Variants in VPS13B observed in about 807,000 individuals in gnomAD.
VPS13B encodes intermembrane lipid transfer protein VPS13B.
A neutral mutation model predicts 426.4 loss-of-function variants in VPS13B; 285 were observed. The ratio of observed to expected loss-of-function variants is 0.67; its 90% CI spans 0.61 to 0.74. The LOEUF is 0.74. VPS13B is among the 30% of genes least tolerant of loss of function. VPS13B has a pLI of 0.00. For missense variants in VPS13B, 4,537 were observed against 4,782.6 expected, an observed-to-expected ratio of 0.95 and a Z score of 1.51; for synonymous variants, 1,676 against 1,676.4, an observed-to-expected ratio of 1.00 and a Z score of 0.01.
intron 2 of VPS13B, among the ~76,000 whole-genome samples, chr8:99,014,265 G>A (rs1379905222): frequency 6.6e-6 from 1 of 151,216 alleles, no homozygotes; most frequent in African/African-American, 2.4e-5. Context: ...TTACAGGCGC[G>A]CACCACCACG....
At chr8:99,743,846 C>A (rs994525969) in intron 39 of VPS13B, among the ~76,000 whole-genome samples, 7 of 152,252 alleles carry the variant, frequency 4.6e-5, no homozygotes, top group Middle Eastern at 3.4e-3. Flanking sequence ...TAAAGACTTA[C>A]ATGTTAGACC....
intron 36 of VPS13B, among the ~76,000 whole-genome samples, chr8:99,701,238 A>G (rs189420734): frequency 4.1e-4 from 62 of 152,326 alleles, no homozygotes; most frequent in Non-Finnish European, 7.8e-4. Context: ...AGACTATGAA[A>G]TACTGGAGAC....
At chr8:99,469,616 T>G (rs1819296039) in intron 24 of VPS13B, among the ~76,000 whole-genome samples, 1 of 152,196 alleles carries the variant, frequency 6.6e-6, no homozygotes, top group Non-Finnish European at 1.5e-5. Context: ...GAGATTACTC[T>G]TTGAGTGCTG....
intron 35 of VPS13B, among the ~76,000 whole-genome samples, chr8:99,694,929 C>CA (rs1319990384): frequency 6.6e-6 from 1 of 151,666 alleles, no homozygotes; most frequent in Non-Finnish European, 1.5e-5. Flanking sequence ...CTTATGCAGC[C>CA]AAAAAACACA....
chr8:99,332,628 AGGC>A (rs1337233086), intron 19 of VPS13B, among the ~76,000 whole-genome samples: 1 of 151,666 alleles, frequency 6.6e-6, no homozygotes, highest in Non-Finnish European at 1.5e-5. Flanking sequence ...GTACAGTCAT[AGGC>A]TATTCTTCAG....
At chr8:99,065,812 A>G (rs1201021870) in intron 3 of VPS13B, among the ~76,000 whole-genome samples, 4 of 152,214 alleles carry the variant, frequency 2.6e-5, no homozygotes, top group Non-Finnish European at 1.5e-5. Context: ...GCAAAGTCTC[A>G]GGATACAAAA....
At chr8:99,373,001 C>A (rs952061834) in intron 19 of VPS13B, among the ~76,000 whole-genome samples, 2 of 152,146 alleles carry the variant, frequency 1.3e-5, no homozygotes, top group African/African-American at 4.8e-5. Flanking sequence ...AGAATGAGTT[C>A]ATGTCCTTTG....
At chr8:99,096,987 A>G (rs1220031240) in intron 4 of VPS13B, among the ~76,000 whole-genome samples, 3 of 152,098 alleles carry the variant, frequency 2.0e-5, no homozygotes, top group East Asian at 1.9e-4. Flanking sequence ...CAGCCTTTTC[A>G]AGAGGAAAGA....
In VPS13B at chr8:99,556,496, G is replaced by A. The variant is rs1169963451; in HGVS notation, c.4792G>A (p.Glu1598Lys). The change falls in exon 31 of 62, where the codon GAA becomes AAA. Residue 1598 changes from glutamate to lysine, a missense_variant. By Grantham distance (56) the Glu-to-Lys change is moderately conservative. This residue lies in a region of VPS13B where 4,311 missense variants were observed against 4,474.3 expected (regional missense o/e 0.96). Transcript: ENST00000357162. The stretch of plus-strand genomic sequence containing the variant: ...TCTTCGAGATCCTGGATCAGAAATC[G>A]AAGACAGACAATACCAAATAGATCT... ...GILRDPGSEI[E>K]DRQYQIDLQS... The A allele has an allele frequency of 4.3e-6, 7 of 1,612,892 alleles. No homozygotes were observed. Among genetic ancestry groups the A allele is most frequent in the South Asian group, 1.1e-5 (1 of 91,056 alleles).
chr8:99,814,692 G>A (rs1482710777), intron 44 of VPS13B, among the ~76,000 whole-genome samples: 1 of 152,174 alleles, frequency 6.6e-6, no homozygotes, highest in Non-Finnish European at 1.5e-5. Context: ...TACAGCCACT[G>A]GGGGCCAAGG....
chr8:99,640,053 A>AGAAGAAG (rs1364476294), intron 33 of VPS13B, among the ~76,000 whole-genome samples: 27 of 48,770 alleles, frequency 5.5e-4, no homozygotes, highest in African/African-American at 2.2e-3. Context: ...GAAGAAGAGA[A>AGAAGAAG]AAGAAAAGAA....
intron 3 of VPS13B, among the ~76,000 whole-genome samples, chr8:99,069,728 G>T (rs1844755653): frequency 6.6e-6 from 1 of 152,094 alleles, no homozygotes; most frequent in Non-Finnish European, 1.5e-5. Flanking sequence ...CCTAAGAGAG[G>T]TTGTTATATT....
At chr8:99,478,447 G>GTTTTTTTTT (rs56261645) in intron 24 of VPS13B, among the ~76,000 whole-genome samples, 13 of 85,754 alleles carry the variant, frequency 1.5e-4, no homozygotes, top group African/African-American at 2.5e-4. Context: ...TTTTTGTTTT[G>GTTTTTTTTT]TTTTTTTTTT....
chr8:99,705,100 T>A (rs1377857124), intron 36 of VPS13B, among the ~76,000 whole-genome samples: 1 of 152,064 alleles, frequency 6.6e-6, no homozygotes, highest in Non-Finnish European at 1.5e-5. Flanking sequence ...TCCTATTACT[T>A]TATAACAAGG....
At chr8:99,245,176 A>G (rs1289795178) in intron 17 of VPS13B, among the ~76,000 whole-genome samples, 3 of 152,218 alleles carry the variant, frequency 2.0e-5, no homozygotes, top group African/African-American at 7.2e-5. Flanking sequence ...CAGTTTGATA[A>G]TACTGTGTGA....
intron 24 of VPS13B, 119 bp downstream of exon 24, chr8:99,467,753 C>A: frequency 1.9e-6 from 2 of 1,069,996 alleles, no homozygotes; most frequent in Non-Finnish European, 2.8e-6. Flanking sequence ...TTAACTTGGC[C>A]ATCAAGATCA....
At chr8:99,530,444 A>G (rs1415273053) in intron 30 of VPS13B, among the ~76,000 whole-genome samples, 1 of 151,944 alleles carries the variant, frequency 6.6e-6, no homozygotes, top group Non-Finnish European at 1.5e-5. Flanking sequence ...GTGAAACCCT[A>G]TTTCTACTAA....
chr8:99,796,033 T>C (rs1812794611), intron 43 of VPS13B, among the ~76,000 whole-genome samples: 1 of 151,962 alleles, frequency 6.6e-6, no homozygotes, highest in South Asian at 2.1e-4. Context: ...AATTTGCGAG[T>C]TGGGCTGTGA....
At chr8:99,758,133 A>G (rs949657923) in intron 39 of VPS13B, among the ~76,000 whole-genome samples, 9 of 152,346 alleles carry the variant, frequency 5.9e-5, no homozygotes, top group African/African-American at 2.2e-4. Flanking sequence ...TTTCAAAACT[A>G]AAAGCACATA....
Sources: gnomAD v4.1 joint callset for allele counts (sites outside exome capture counted in the v4.1 genomes callset) on GRCh38, gnomAD v4.1.1 for gene constraint, gnomAD v4.1.1 regional missense constraint, MANE v1.5 for transcripts, NCBI Gene and HGNC (gene_info 2026-07-23, HGNC 2026-07-21) for gene names.